BICC1: variants seen among roughly 807,000 people sequenced by gnomAD.
The protein encoded by BICC1 is BicC family RNA binding protein 1.
BICC1 carries 43 observed loss-of-function variants against 111.0 expected under a neutral mutation model. That is an observed-to-expected ratio of 0.39 (90% CI 0.30 to 0.50). The LOEUF is 0.50. Ranked by LOEUF, BICC1 falls within the 20% of genes least tolerant of loss-of-function variation. BICC1 has a pLI of 0.88. For missense variants in BICC1, 1,091 were observed against 1,203.2 expected (o/e 0.91, Z 1.38); for synonymous variants, 467 against 434.4 (o/e 1.07, Z -0.93).
At chr10:58,648,617 C>G in intron 2 of BICC1, 1 of 984,820 alleles carries the variant, frequency 1.0e-6, no homozygotes. Context: ...CTCTTTCTCT[C>G]TTACAGAGAC....
chr10:58,762,620 C>G (rs981220455), intron 3 of BICC1, among the ~76,000 whole-genome samples: 7 of 151,814 alleles, frequency 4.6e-5, no homozygotes, highest in Admixed American at 6.6e-5. Context: ...CAGGGAATAT[C>G]CAGCCTGTAT....
intron 3 of BICC1, among the ~76,000 whole-genome samples, chr10:58,766,883 T>C (rs942543422): frequency 6.7e-6 from 1 of 149,006 alleles, no homozygotes; most frequent in African/African-American, 2.5e-5. Context: ...CCCACCTCTT[T>C]TTTGACCCAC....
chr10:58,540,674 A>C (rs1201807038), intron 1 of BICC1, among the ~76,000 whole-genome samples: 2 of 152,034 alleles, frequency 1.3e-5, no homozygotes, highest in Non-Finnish European at 2.9e-5. Flanking sequence ...AATGCTTCTA[A>C]ACAATTAAAT....
At chr10:58,808,165 T>G (rs1344402310) in intron 17 of BICC1, among the ~76,000 whole-genome samples, 2 of 152,094 alleles carry the variant, frequency 1.3e-5, no homozygotes, top group African/African-American at 4.8e-5. Flanking sequence ...TTTTGGGAGT[T>G]ATAGTAGCAA....
chr10:58,830,174 G>A lies in BICC1; in HGVS notation c.*1283G>A, dbSNP rs1011887319. The A allele has an allele frequency of 6.6e-6, 1 of 152,044 alleles. No homozygotes were observed. The highest frequency in any genetic ancestry group is 6.6e-5 in the Admixed American group (1 of 15,258). 9.4% of individuals were successfully genotyped at this position (152,044 alleles called of 1,614,324 possible). ...GGAAAAAAAAAATATATCTTTTTAA[G>A]TGGCTAGAGTCATTATTACAATCTT... On this transcript the variant is annotated 3_prime_UTR_variant, in exon 21 of 21. Coordinates refer to ENST00000373886, the MANE Select transcript of BICC1 (RefSeq NM_001080512.3).
At chr10:58,673,317 C>T (rs1441251038) in intron 2 of BICC1, among the ~76,000 whole-genome samples, 1 of 152,164 alleles carries the variant, frequency 6.6e-6, no homozygotes, top group Non-Finnish European at 1.5e-5. Context: ...CTGGCATCCT[C>T]TGGGAAGGAA....
chr10:58,684,384 C>G (rs990902874), intron 2 of BICC1, among the ~76,000 whole-genome samples: 2 of 152,060 alleles, frequency 1.3e-5, no homozygotes, highest in Non-Finnish European at 2.9e-5. Flanking sequence ...ATGATGCTGG[C>G]CTCATAAAAT....
chr10:58,671,025 G>T (rs536681865), intron 2 of BICC1, among the ~76,000 whole-genome samples: 1 of 152,030 alleles, frequency 6.6e-6, no homozygotes, highest in African/African-American at 2.4e-5. Context: ...CTTCTCTCTC[G>T]TCTTCCCTTT....
At chr10:58,528,028 A>G (rs559363647) in intron 1 of BICC1, among the ~76,000 whole-genome samples, 18 of 152,080 alleles carry the variant, frequency 1.2e-4, no homozygotes, top group Non-Finnish European at 2.4e-4. Context: ...TTTCAAATTC[A>G]TATTCTGTTC....
chr10:58,543,003 A>C (rs1399972264), intron 1 of BICC1, among the ~76,000 whole-genome samples: 2 of 152,108 alleles, frequency 1.3e-5, no homozygotes, highest in Non-Finnish European at 2.9e-5. Context: ...ATAATTCAGC[A>C]ATCTCACTTC....
Position 58,624,657 on chromosome 10 carries a change from G to C in BICC1, c.237+3756G>C, listed in dbSNP as rs373331899. Among the ~76,000 whole-genome samples the C allele has an allele frequency of 6.6e-5, 10 of 152,258 alleles. No individual in the cohort carries two copies. The East Asian group carries it at 1.2e-3, about 18-fold the overall frequency. ...TGCCCAGGCTGGAGTACACTGGCGT[G>C]ATCTCAGCTCACTGTAACCCCTGCC... On this transcript the variant is annotated intron_variant, in intron 2 of 20. Coordinates refer to ENST00000373886, the MANE Select transcript of BICC1 (RefSeq NM_001080512.3).
chr10:58,750,007 G>A (rs1841940600), intron 3 of BICC1, among the ~76,000 whole-genome samples: 1 of 152,110 alleles, frequency 6.6e-6, no homozygotes, highest in South Asian at 2.1e-4. Context: ...ATTAGAAAAA[G>A]TTGCTTAGAG....
chr10:58,607,317 A>AAAATAAATAAATAAATAAATAAATAAAT (rs370698110), intron 1 of BICC1, among the ~76,000 whole-genome samples: 52,737 of 134,076 alleles, frequency 0.39, 11,497 homozygotes, highest in East Asian at 0.52. Context: ...ACTCTGTCTC[A>AAAATAAATAAATAAATAAATAAATAAAT]AAATAAATAA....
chr10:58,789,601 T>C (rs770055528), intron 7 of BICC1, 81 bp from the exon 8 acceptor site: 111 of 1,551,660 alleles, frequency 7.2e-5, no homozygotes, highest in Non-Finnish European at 9.1e-5. Flanking sequence ...TTTCCATAGC[T>C]GTTAGAAATG....
intron 2 of BICC1, among the ~76,000 whole-genome samples, chr10:58,644,959 A>G (rs1838222916): frequency 6.6e-6 from 1 of 152,274 alleles, no homozygotes; most frequent in African/African-American, 2.4e-5. Context: ...ATCAAATAGT[A>G]TTATGTTCAC....
chr10:58,597,419 A>G (rs939743085), intron 1 of BICC1, among the ~76,000 whole-genome samples: 3 of 152,138 alleles, frequency 2.0e-5, no homozygotes, highest in Non-Finnish European at 2.9e-5. Flanking sequence ...AACTACTGAT[A>G]AGGGTCCAAC....
At position 58,801,247 on chromosome 10, in the gene BICC1, C is replaced by T. The variant is rs529654472; in HGVS notation, c.2015+201C>T. ...CTCTGTCTTCTCTATAGTCCCTTCC[C>T]CATTTAATGAATTGATTTATATCTG... On this transcript the variant is annotated intron_variant, in intron 14 of 20. Coordinates refer to ENST00000373886, the MANE Select transcript of BICC1 (RefSeq NM_001080512.3). 5.3e-5 allele frequency among the ~76,000 whole-genome samples: 8 copies of T among 152,076 alleles called. No homozygotes were observed. In the East Asian group the frequency reaches 7.7e-4, roughly 15 times the overall value.
intron 3 of BICC1, among the ~76,000 whole-genome samples, chr10:58,734,455 C>T (rs957892128): frequency 6.6e-6 from 1 of 152,020 alleles, no homozygotes. Flanking sequence ...CATATGAGCT[C>T]GATAAATACT....
intron 18 of BICC1, among the ~76,000 whole-genome samples, chr10:58,814,648 G>T (rs988208591): frequency 6.6e-6 from 1 of 151,454 alleles, no homozygotes; most frequent in African/African-American, 2.4e-5. Flanking sequence ...ACAAGAGGCT[G>T]GGTGTGGTGG....
Sources: gnomAD v4.1 joint callset for allele counts (sites outside exome capture counted in the v4.1 genomes callset) on GRCh38, gnomAD v4.1.1 for gene constraint, MANE v1.5 for transcripts, NCBI Gene and HGNC (gene_info 2026-07-23, HGNC 2026-07-21) for gene names.